The following PGLYRP3 variants were observed in gnomAD, a reference collection of about 807,000 sequenced individuals.
PGLYRP3 encodes peptidoglycan recognition protein I alpha.
PGLYRP3 carries 39 observed loss-of-function variants against 36.0 expected under a neutral mutation model. That is an observed-to-expected ratio of 1.08 (90% CI 0.84 to 1.41). PGLYRP3 has a LOEUF of 1.41. Ranked by LOEUF, PGLYRP3 falls within the 40% of genes most tolerant of loss-of-function variation. The pLI, the probability that PGLYRP3 is intolerant of heterozygous loss-of-function variation, is 0.00. For missense variants in PGLYRP3, 407 were observed against 427.9 expected, an observed-to-expected ratio of 0.95 and a Z score of 0.43; for synonymous variants, 204 against 172.8, an observed-to-expected ratio of 1.18 and a Z score of -1.42.
chr1:153,297,541 AGGAAGGAAGG>A lies in PGLYRP3; in HGVS notation c.*405_*414del, dbSNP rs1359267675. Among the ~76,000 whole-genome samples the A allele has an allele frequency of 2.4e-4, 22 of 93,232 alleles. 1 individual carries two copies. In the East Asian group the frequency reaches 3.8e-3, roughly 16 times the overall value. The allele number at this position is 93,232 out of a possible 152,430, so 61.2% of individuals were successfully genotyped here. On this transcript the variant is annotated 3_prime_UTR_variant, in exon 8 of 8. Coordinates refer to ENST00000683862, the MANE Select transcript of PGLYRP3 (RefSeq NM_052891.3). Reference sequence around the variant, plus strand: ...AAGGAAGGAAGGAAGGAAGGAAGGAAGGAAGGAAGGAAAGAAAGAAAAAGAAAGAAAGAAA... The same window carrying A: ...AAGGAAGGAAGGAAGGAAGGAAGGAAAAAGAAAGAAAAAGAAAGAAAGAAA...
intron 6 of PGLYRP3, among the ~76,000 whole-genome samples, chr1:153,299,835 C>T (rs1207063648): frequency 6.6e-6 from 1 of 152,204 alleles, no homozygotes; most frequent in Non-Finnish European, 1.5e-5. Context: ...TCACTCAGCC[C>T]ACCTGGTCAC....
chr1:153,302,471 A>G lies in PGLYRP3; in HGVS notation c.666T>C (p.Thr222=), dbSNP rs200255238. The change falls in exon 6 of 8, where the codon ACT becomes ACC. Residue 222 remains threonine (T), a synonymous_variant. Coordinates refer to ENST00000683862, the MANE Select transcript of PGLYRP3 (RefSeq NM_052891.3). ...GAAAGGACTGTATGTTTCGGACGAC[A>G]GTCTGGCAGTCTGTGGATACAGTGC... The part of the protein sequence containing the change: ...TSCTVSTDCQ[T]VVRNIQSFHM... 6.9e-5 allele frequency: 111 copies of G among 1,614,230 alleles called. No homozygotes were observed. The highest frequency in any genetic ancestry group is 1.5e-5 in the Non-Finnish European group (18 of 1,180,038).
chr1:153,308,570 G>C (rs1026397714), intron 2 of PGLYRP3, among the ~76,000 whole-genome samples: 3 of 152,208 alleles, frequency 2.0e-5, no homozygotes, highest in Non-Finnish European at 4.4e-5. Context: ...AAGCCTCTGG[G>C]ACAAGCCTCT....
In PGLYRP3 at chr1:153,298,078, C is replaced by A; in HGVS notation, c.904G>T (p.Val302Leu). 1 of 1,614,076 alleles carries A rather than the reference C, an allele frequency of 6.2e-7. No homozygotes were observed. The highest frequency in any genetic ancestry group is 8.5e-7 in the Non-Finnish European group (1 of 1,180,016). Residue 302 changes from valine (V) to leucine (L), a missense_variant, in exon 8 of 8, where the codon GTG becomes TTG. Physicochemically the swap from Val to Leu is conservative, Grantham distance 32 (BLOSUM62 1). Coordinates refer to ENST00000683862, the MANE Select transcript of PGLYRP3 (RefSeq NM_052891.3). ...TTTGGAGTCAGGTACCCCTCAACCA[C>A]GGCACACTGGATCAGGTCCTGGGCC... ...EAAQDLIQCAVVEGYLTPNYL... is the reference protein window; with the variant it reads ...EAAQDLIQCALVEGYLTPNYL...
rs562540682 is a variant in PGLYRP3 at position 153,306,448 on chromosome 1, C to A, written c.257+618G>T. Among the ~76,000 whole-genome samples the A allele has an allele frequency of 1.7e-4, 26 of 152,220 alleles. 1 individual carries two copies. The highest frequency in any genetic ancestry group is 6.3e-4 in the African/African-American group (26 of 41,538). ...CCTTCATGCCCTCCCTTGTTTCTTG[C>A]GGGTCTCTCCTCCCCGCCATTCCCA... On this transcript the variant is annotated intron_variant, in intron 3 of 7. Transcript: ENST00000683862.
rs1028272359 is a variant in PGLYRP3 at position 153,297,134 on chromosome 1, C to T, written c.*822G>A. 1.3e-5 allele frequency among the ~76,000 whole-genome samples: 2 copies of T among 152,204 alleles called. No homozygotes were observed. Among genetic ancestry groups the T allele is most frequent in the African/African-American group, 4.8e-5 (2 of 41,454 alleles). On this transcript the variant is annotated 3_prime_UTR_variant, in exon 8 of 8. Coordinates refer to ENST00000683862, the MANE Select transcript of PGLYRP3 (RefSeq NM_052891.3). ...ACCTGGGTCCACTCATTCATTTATT[C>T]ATCCATTTCTTTAACAAACATCTGT...
chr1:153,302,683 G>T (rs1285876692), intron 5 of PGLYRP3, 76 bp from the exon 6 acceptor site: 2 of 1,417,394 alleles, frequency 1.4e-6, no homozygotes, highest in African/African-American at 1.4e-5. Flanking sequence ...CTCCAGGCTG[G>T]ATTATTCCTC....
At position 153,299,211 on chromosome 1, in the gene PGLYRP3, C is replaced by A. The variant is rs139443096; in HGVS notation, c.749G>T (p.Gly250Val). ...IGYHFLVGQD[G>V]GVYEGVGWHI... Reference sequence around the variant, plus strand: ...CCATCCAACCCCTTCATACACGCCACCATCCTGGCCCACCAGGAAGCTTAG... The same window carrying A: ...CCATCCAACCCCTTCATACACGCCAACATCCTGGCCCACCAGGAAGCTTAG... The change falls in exon 7 of 8, where the codon GGT becomes GTT. Residue 250 changes from glycine to valine, a missense_variant. Coordinates refer to ENST00000683862, the MANE Select transcript of PGLYRP3 (RefSeq NM_052891.3). The A allele has an allele frequency of 6.3e-5, 101 of 1,613,908 alleles. No individual in the cohort carries two copies. Among genetic ancestry groups the A allele is most frequent in the Non-Finnish European group, 7.6e-5 (90 of 1,179,970 alleles).
chr1:153,307,410 A>G (rs1034818104), intron 2 of PGLYRP3, 143 bp from the exon 3 acceptor site: 1 of 731,868 alleles, frequency 1.4e-6, no homozygotes, highest in Non-Finnish European at 2.3e-6. Flanking sequence ...TCACCACCAA[A>G]GCCCCCTCCT....
rs1171112374 is a variant in PGLYRP3 at position 153,307,198 on chromosome 1, A to G, written c.125T>C (p.Leu42Pro). Residue 42 changes from leucine (L) to proline (P), a missense_variant, in exon 3 of 8, where the codon CTG (leucine) becomes CCG (proline). Leu to Pro is a moderately conservative substitution (Grantham distance 98, BLOSUM62 -3). Coordinates refer to ENST00000683862, the MANE Select transcript of PGLYRP3 (RefSeq NM_052891.3). ...GTCTGTGATGATGTAGGCCACAGGC[A>G]GGGTCAGCAGGGCCCTGCAGGCGAG... is the stretch of plus-strand genomic sequence containing the variant. ...RPLACRALLTLPVAYIITDQL... is the reference protein window; with the variant it reads ...RPLACRALLTPPVAYIITDQL... The G allele has an allele frequency of 6.2e-7, 1 of 1,612,154 alleles. No homozygotes were observed. The highest frequency in any genetic ancestry group is 1.1e-5 in the South Asian group (1 of 90,538).
chr1:153,307,019 C>A, intron 3 of PGLYRP3, 47 bp downstream of exon 3: 1 of 1,583,548 alleles, frequency 6.3e-7, no homozygotes, highest in African/African-American at 1.3e-5. Flanking sequence ...TGGGAAGCAC[C>A]CCCGTGACTT....
In PGLYRP3 at chr1:153,302,438, G is replaced by A; in HGVS notation, c.699C>T (p.Asp233=). The A allele has an allele frequency of 6.2e-7, 1 of 1,614,206 alleles. No homozygotes were observed. The highest frequency in any genetic ancestry group is 8.5e-7 in the Non-Finnish European group (1 of 1,180,038). ...ATCCAATGTCACAAAAGTTCCGTGT[G>A]TCCATGTGAAAGGACTGTATGTTTC... is the stretch of plus-strand genomic sequence containing the variant. ...VVRNIQSFHM[D]TRNFCDIGYH... Residue 233 remains aspartate (D), a synonymous_variant, in exon 6 of 8, where the codon GAC becomes GAT. Transcript: ENST00000683862.
In PGLYRP3 at chr1:153,297,800, G is replaced by A; in HGVS notation, c.*156C>T. On this transcript the variant is annotated 3_prime_UTR_variant, in exon 8 of 8. Transcript: ENST00000683862. ...CCAGCTGTGAGGTTTGGGGGCTCCTGGAGGATGTTGGCAGGAAAGGACATG... is the reference window on the plus strand; with the variant it reads ...CCAGCTGTGAGGTTTGGGGGCTCCTAGAGGATGTTGGCAGGAAAGGACATG... The A allele has an allele frequency of 1.2e-6, 1 of 817,630 alleles. No homozygotes were observed. The highest frequency in any genetic ancestry group is 1.9e-6 in the Non-Finnish European group (1 of 527,092). The allele number at this position is 817,630 out of a possible 1,614,324, so 50.6% of individuals were successfully genotyped here.
At chr1:153,302,290 G>A (rs1277128040) in intron 6 of PGLYRP3, 119 bp downstream of exon 6, 2 of 1,072,620 alleles carry the variant, frequency 1.9e-6, no homozygotes, top group South Asian at 1.5e-5. Flanking sequence ...AAAATATGAT[G>A]CCTTATGGAA....
chr1:153,298,971 T>A (rs933814350), intron 7 of PGLYRP3, 142 bp downstream of exon 7: 1 of 674,332 alleles, frequency 1.5e-6, no homozygotes, highest in Non-Finnish European at 2.6e-6. Flanking sequence ...GGTGACATCC[T>A]GTATTAAGAG....
chr1:153,305,895 A>T (rs1049634579), intron 3 of PGLYRP3, among the ~76,000 whole-genome samples: 1 of 152,210 alleles, frequency 6.6e-6, no homozygotes, highest in Non-Finnish European at 1.5e-5. Context: ...TGTGGTTAGT[A>T]CGGTGTGAAC....
intron 7 of PGLYRP3, among the ~76,000 whole-genome samples, chr1:153,298,644 A>AAAAT (rs1331847257): frequency 2.0e-5 from 3 of 152,148 alleles, no homozygotes; most frequent in Non-Finnish European, 2.9e-5. Context: ...CTCCATCTCA[A>AAAAT]AAATAAATAA....
Position 153,307,323 on chromosome 1 carries a change from A to G in PGLYRP3, c.56-56T>C. Reference sequence around the variant, plus strand: ...CAGGCCCTGCCCATCTTCCCCCAACAGGTCGACCATGTGCCCTGACCTCTC... The same window carrying G: ...CAGGCCCTGCCCATCTTCCCCCAACGGGTCGACCATGTGCCCTGACCTCTC... On this transcript the variant is annotated intron_variant, in intron 2 of 7. Coordinates refer to ENST00000683862, the MANE Select transcript of PGLYRP3 (RefSeq NM_052891.3). 6 of 1,513,290 alleles carry G rather than the reference A, an allele frequency of 4.0e-6. No homozygotes were observed. The Admixed American group carries it at 7.9e-5, about 20-fold the overall frequency. The allele number at this position is 1,513,290 out of a possible 1,614,324, so 93.7% of individuals were successfully genotyped here.
rs1238270724 is a variant in PGLYRP3, at chr1:153,297,291, T to C, written c.*665A>G. Among the ~76,000 whole-genome samples, 2 of 150,886 alleles carry C rather than the reference T, an allele frequency of 1.3e-5. No individual in the cohort carries two copies. The highest frequency in any genetic ancestry group is 2.9e-5 in the Non-Finnish European group (2 of 67,884). ...TCTATAAATCATATCTATAAATAAT[T>C]ACAGCCCTTAAGTAAGGGCTGCATC... On this transcript the variant is annotated 3_prime_UTR_variant, in exon 8 of 8. Coordinates refer to ENST00000683862, the MANE Select transcript of PGLYRP3 (RefSeq NM_052891.3).
Sources: allele counts gnomAD v4.1 joint callset (sites outside exome capture counted in the v4.1 genomes callset), GRCh38; gene constraint gnomAD v4.1.1; transcripts MANE v1.5; gene names NCBI Gene and HGNC (gene_info 2026-07-23, HGNC 2026-07-21).